The following VWA3B variants were observed in gnomAD, a reference collection of about 807,000 sequenced individuals.
VWA3B encodes von Willebrand factor A domain containing 3B.
Under a neutral mutation model 158.3 loss-of-function variants are expected in VWA3B, and 138 were observed. The observed-to-expected ratio is 0.87, with a 90% CI of 0.76 to 1.00. The LOEUF is 1.00. VWA3B is among the 50% of genes least tolerant of loss of function. VWA3B has a pLI of 0.00. For synonymous variants in VWA3B, 596 were observed against 587.3 expected, an observed-to-expected ratio of 1.01 and a Z score of -0.21; for missense variants, 1,555 against 1,565.1, an observed-to-expected ratio of 0.99 and a Z score of 0.11.
chr2:98,285,309 T>C (rs1689101654), intron 22 of VWA3B, among the ~76,000 whole-genome samples: 1 of 152,184 alleles, frequency 6.6e-6, no homozygotes, highest in Non-Finnish European at 1.5e-5. Flanking sequence ...TGTATGGATA[T>C]ACCACATTTT....
At chr2:98,115,554 A>G in intron 2 of VWA3B, 98 bp from the exon 3 acceptor site, 2 of 852,422 alleles carry the variant, frequency 2.3e-6, no homozygotes, top group East Asian at 2.6e-5. Context: ...GGCACAAGAT[A>G]TAATTTGAAT....
intron 12 of VWA3B, among the ~76,000 whole-genome samples, chr2:98,205,676 C>G (rs1682957833): frequency 6.6e-6 from 1 of 151,998 alleles, no homozygotes; most frequent in Admixed American, 6.6e-5. Flanking sequence ...ATAAATTTTC[C>G]TGCCAGAATT....
intron 2 of VWA3B, among the ~76,000 whole-genome samples, 167 bp from the exon 3 acceptor site, chr2:98,115,485 C>G (rs1323161954): frequency 6.6e-6 from 1 of 152,180 alleles, no homozygotes; most frequent in Non-Finnish European, 1.5e-5. Context: ...ACATTTATCA[C>G]AGCACCTAGA....
At chr2:98,160,007 TAAAA>T (rs201978512) in intron 7 of VWA3B, among the ~76,000 whole-genome samples, 35 of 138,328 alleles carry the variant, frequency 2.5e-4, no homozygotes, top group African/African-American at 8.3e-4. Flanking sequence ...AAGAATCCAT[TAAAA>T]AAAAAAAAAA....
At chr2:98,305,211 C>T (rs541332920) in intron 26 of VWA3B, among the ~76,000 whole-genome samples, 1 of 152,312 alleles carries the variant, frequency 6.6e-6, no homozygotes, top group Non-Finnish European at 1.5e-5. Flanking sequence ...CCATGACTCC[C>T]TTTGCACTAA....
chr2:98,101,160 T>G (rs1683052448), intron 2 of VWA3B, among the ~76,000 whole-genome samples: 1 of 152,224 alleles, frequency 6.6e-6, no homozygotes, highest in Admixed American at 6.5e-5. Context: ...AAATGTACTG[T>G]TTTCCTACTG....
At chr2:98,260,236 T>C (rs989852665) in intron 21 of VWA3B, among the ~76,000 whole-genome samples, 3 of 151,728 alleles carry the variant, frequency 2.0e-5, no homozygotes, top group African/African-American at 7.3e-5. Context: ...TAAGTCTAGT[T>C]CATTTATAGT....
chr2:98,168,558 C>T (rs761049817), intron 8 of VWA3B, among the ~76,000 whole-genome samples: 99 of 152,156 alleles, frequency 6.5e-4, no homozygotes, highest in Non-Finnish European at 1.0e-3. Context: ...TTTAAAAAGA[C>T]GCATACTGAA....
At chr2:98,130,172 T>C (rs1675748013) in intron 6 of VWA3B, among the ~76,000 whole-genome samples, 1 of 152,206 alleles carries the variant, frequency 6.6e-6, no homozygotes, top group South Asian at 2.1e-4. Context: ...AAAAAAGTGC[T>C]GCGCTTTTGA....
In VWA3B at chr2:98,155,153, C is replaced by T. The variant is rs562600624; in HGVS notation, c.989-7698C>T. ...CCGTGGGTGACAGCCGATTCCAATA[C>T]AGGCAGATCGCTGTGGAGCCAGCAG... On this transcript the variant is annotated intron_variant, in intron 7 of 27. Coordinates refer to ENST00000477737, the MANE Select transcript of VWA3B (RefSeq NM_144992.5). 6.6e-5 allele frequency among the ~76,000 whole-genome samples: 10 copies of T among 152,328 alleles called. 1 individual carries two copies. The highest frequency in any genetic ancestry group is 5.9e-4 in the Admixed American group (9 of 15,310).
In VWA3B at chr2:98,121,418, G is replaced by C; in HGVS notation, c.662G>C (p.Gly221Ala). The change falls in exon 5 of 28, where the codon GGC becomes GCC. Residue 221 changes from glycine (G) to alanine (A), a missense_variant. Physicochemically the swap from Gly to Ala is moderately conservative, Grantham distance 60. Transcript: ENST00000477737. ...GTTGAGCTGACTGTGAGCGAGGCTG[G>C]CCGCCTGGATGCTCTGCTGGAAGCC... ...LTVELTVSEA[G>A]RLDALLEAGR... 1 of 1,614,172 alleles carries C rather than the reference G, an allele frequency of 6.2e-7. No individual in the cohort carries two copies. Among genetic ancestry groups the C allele is most frequent in the Non-Finnish European group, 8.5e-7 (1 of 1,180,030 alleles).
At chr2:98,270,496 C>T (rs377623587) in intron 21 of VWA3B, among the ~76,000 whole-genome samples, 186 bp from the exon 22 acceptor site, 13 of 152,308 alleles carry the variant, frequency 8.5e-5, no homozygotes, top group African/African-American at 3.1e-4. Context: ...TTGCAAGCTA[C>T]CAAAGTCCTG....
chr2:98,137,672 A>C (rs997865270), intron 7 of VWA3B, among the ~76,000 whole-genome samples: 1 of 152,206 alleles, frequency 6.6e-6, no homozygotes, highest in Non-Finnish European at 1.5e-5. Flanking sequence ...GTATTAATAC[A>C]TTAAGTTTAT....
chr2:98,160,694 G>A (rs1297476031), intron 7 of VWA3B, among the ~76,000 whole-genome samples: 1 of 152,232 alleles, frequency 6.6e-6, no homozygotes, highest in Non-Finnish European at 1.5e-5. Context: ...CTGGCAGTCT[G>A]TCTTGATTTT....
intron 23 of VWA3B, among the ~76,000 whole-genome samples, chr2:98,296,184 G>A (rs553979449): frequency 7.2e-5 from 11 of 152,204 alleles, no homozygotes; most frequent in Non-Finnish European, 1.6e-4. Flanking sequence ...ATACTGCTAA[G>A]TCCCAAAGGC....
At chr2:98,102,728 G>C (rs1683174883) in intron 2 of VWA3B, among the ~76,000 whole-genome samples, 2 of 152,168 alleles carry the variant, frequency 1.3e-5, no homozygotes, top group Non-Finnish European at 2.9e-5. Context: ...TCAAGATTAT[G>C]CTGGACTCAA....
chr2:98,167,135 C>T (rs1009272860), intron 8 of VWA3B, among the ~76,000 whole-genome samples: 5 of 152,048 alleles, frequency 3.3e-5, no homozygotes, highest in African/African-American at 9.7e-5. Context: ...TGGTGGCCAG[C>T]GGGACAGGGA....
chr2:98,195,584 CT>C (rs144847996), intron 12 of VWA3B, among the ~76,000 whole-genome samples: 21 of 148,538 alleles, frequency 1.4e-4, no homozygotes, highest in African/African-American at 3.9e-4. Context: ...ACGTTCTGTC[CT>C]TTTTTTTTTC....
At chr2:98,322,945 A>G in the VWA3B span, among the ~76,000 whole-genome samples, 1 of 152,182 alleles carries the variant, frequency 6.6e-6, no homozygotes, top group Non-Finnish European at 1.5e-5. Flanking sequence ...TGCCTACTAG[A>G]ATTGAAAATA....
Sources: gnomAD v4.1 joint callset for allele counts (sites outside exome capture counted in the v4.1 genomes callset) on GRCh38, gnomAD v4.1.1 for gene constraint, MANE v1.5 for transcripts, NCBI Gene and HGNC (gene_info 2026-07-23, HGNC 2026-07-21) for gene names.